CLSTN1: variants seen among roughly 807,000 people sequenced by gnomAD.
CLSTN1 encodes calsyntenin 1, also known as calsyntenin-1.
CLSTN1 carries 28 observed loss-of-function variants against 108.3 expected under a neutral mutation model. The observed-to-expected ratio is 0.26, with a 90% CI of 0.19 to 0.35. CLSTN1 has a LOEUF of 0.35. CLSTN1 is among the 10% of genes least tolerant of loss of function. The probability of loss-of-function intolerance (pLI) is 1.00; values close to 1 mark genes in which losing one functional copy is unlikely to be tolerated. For synonymous variants in CLSTN1, 524 were observed against 534.9 expected, an observed-to-expected ratio of 0.98 and a Z score of 0.28; for missense variants, 1,157 against 1,302.6, an observed-to-expected ratio of 0.89 and a Z score of 1.72.
intron 2 of CLSTN1, among the ~76,000 whole-genome samples, chr1:9,761,933 A>G (rs868008879): frequency 5.3e-5 from 8 of 152,336 alleles, no homozygotes; most frequent in Middle Eastern, 3.4e-3. Flanking sequence ...AGGGACTTGG[A>G]AACAGGTGGA....
intron 2 of CLSTN1, among the ~76,000 whole-genome samples, chr1:9,761,389 A>G (rs1652063212): frequency 6.6e-6 from 1 of 151,998 alleles, no homozygotes; most frequent in Non-Finnish European, 1.5e-5. Flanking sequence ...GCTACTTGGG[A>G]GCCTAAGGTG....
chr1:9,751,416 C>A lies in CLSTN1; in HGVS notation c.649+57G>T. 2.6e-6 allele frequency: 4 copies of A among 1,547,956 alleles called. No homozygotes were observed. In the South Asian group the frequency reaches 4.5e-5, roughly 18 times the overall value. ...AAGCACAGAAGCTGGGGTGTAAAGT[C>A]AGTGGGGTTAGCAGGGACTGTCTAC... is the stretch of plus-strand genomic sequence containing the variant. On this transcript the variant is annotated intron_variant, in intron 5 of 18. Coordinates refer to ENST00000377298, the MANE Select transcript of CLSTN1 (RefSeq NM_001009566.3).
At chr1:9,748,739 T>A (rs1355554272) in intron 7 of CLSTN1, among the ~76,000 whole-genome samples, 1 of 152,090 alleles carries the variant, frequency 6.6e-6, no homozygotes, top group African/African-American at 2.4e-5. Context: ...TCTGCCCACC[T>A]CGGCCTCCCA....
At chr1:9,769,770 C>T (rs781332013) in intron 2 of CLSTN1, among the ~76,000 whole-genome samples, 1 of 151,984 alleles carries the variant, frequency 6.6e-6, no homozygotes, top group Admixed American at 6.6e-5. Flanking sequence ...TGGCAGGGCG[C>T]GGTGGCTCAC....
Position 9,735,177 on chromosome 1 carries a change from G to A in CLSTN1, c.1884-3C>T. 1.2e-6 allele frequency: 2 copies of A among 1,613,918 alleles called. No homozygotes were observed. Among genetic ancestry groups the A allele is most frequent in the South Asian group, 1.1e-5 (1 of 91,074 alleles). On this transcript the variant is annotated splice_region_variant and splice_polypyrimidine_tract_variant and intron_variant, in intron 13 of 18. Coordinates refer to ENST00000377298, the MANE Select transcript of CLSTN1 (RefSeq NM_001009566.3). Reference sequence around the variant, plus strand: ...TGCAGGTGGCCTCGTTAAAACACCTGCCAGCAAGAAATGGGGAAGGGTCAG... The same window carrying A: ...TGCAGGTGGCCTCGTTAAAACACCTACCAGCAAGAAATGGGGAAGGGTCAG...
chr1:9,810,254 T>A (rs1209432329), intron 1 of CLSTN1, among the ~76,000 whole-genome samples: 2 of 149,802 alleles, frequency 1.3e-5, no homozygotes, highest in African/African-American at 4.9e-5. Flanking sequence ...GGCAGGTGGA[T>A]CATCTAAGGT....
In CLSTN1 at chr1:9,731,400, A is replaced by C; in HGVS notation, c.2564-10T>G. 6.2e-7 allele frequency: 1 copy of C among 1,612,214 alleles called. No individual in the cohort carries two copies. Among genetic ancestry groups the C allele is most frequent in the Non-Finnish European group, 8.5e-7 (1 of 1,178,522 alleles). Reference sequence around the variant, plus strand: ...GCAGTGCTGGGGACGACTGTGGGAGAATGAGGGGGCGGGATGCGAGGTCAC... The same window carrying C: ...GCAGTGCTGGGGACGACTGTGGGAGCATGAGGGGGCGGGATGCGAGGTCAC... On this transcript the variant is annotated splice_polypyrimidine_tract_variant and intron_variant, in intron 17 of 18. Transcript: ENST00000377298.
intron 5 of CLSTN1, among the ~76,000 whole-genome samples, chr1:9,751,228 G>A (rs1651542619): frequency 6.6e-6 from 1 of 152,100 alleles, no homozygotes; most frequent in Admixed American, 6.6e-5. Context: ...TGATTTTGGT[G>A]GGAAAGCAAA....
At chr1:9,752,451 C>T (rs1482080265) in intron 4 of CLSTN1, among the ~76,000 whole-genome samples, 1 of 152,214 alleles carries the variant, frequency 6.6e-6, no homozygotes, top group East Asian at 1.9e-4. Flanking sequence ...CTCACTGGGG[C>T]ACTGCACCTT....
At chr1:9,731,709 C>A in intron 17 of CLSTN1, 52 bp downstream of exon 17, 1 of 1,598,394 alleles carries the variant, frequency 6.3e-7, no homozygotes, top group East Asian at 2.2e-5. Context: ...GGGGTGGGGG[C>A]AGGGCGGACG....
At chr1:9,735,373 C>T in intron 13 of CLSTN1, 94 bp downstream of exon 13, 2 of 1,545,124 alleles carry the variant, frequency 1.3e-6, no homozygotes, top group Non-Finnish European at 1.8e-6. Flanking sequence ...CGATGGCTCA[C>T]CTTTCCTTAC....
At chr1:9,812,848 C>CA (rs1266998113) in intron 1 of CLSTN1, among the ~76,000 whole-genome samples, 4,187 of 85,902 alleles carry the variant, frequency 0.049, 85 homozygotes, top group African/African-American at 0.087. Flanking sequence ...AACTCTATCT[C>CA]AAAAAAAAAA....
At chr1:9,784,401 G>A (rs958450811) in intron 1 of CLSTN1, among the ~76,000 whole-genome samples, 2 of 152,024 alleles carry the variant, frequency 1.3e-5, no homozygotes, top group South Asian at 2.1e-4. Flanking sequence ...CCAGCTACTC[G>A]GGAGGCTGAG....
chr1:9,744,704 C>T, intron 7 of CLSTN1, 61 bp from the exon 8 acceptor site: 1 of 1,521,044 alleles, frequency 6.6e-7, no homozygotes, highest in Non-Finnish European at 8.8e-7. Flanking sequence ...GCACCTCAAG[C>T]CCCCAGGCAC....
intron 2 of CLSTN1, among the ~76,000 whole-genome samples, chr1:9,770,865 G>C (rs1418291475): frequency 6.6e-6 from 1 of 151,878 alleles, no homozygotes; most frequent in Non-Finnish European, 1.5e-5. Flanking sequence ...ATGGTGGCGG[G>C]CACCTGTAAT....
chr1:9,765,607 G>A (rs375236246), intron 2 of CLSTN1, among the ~76,000 whole-genome samples: 18 of 151,882 alleles, frequency 1.2e-4, no homozygotes, highest in South Asian at 2.1e-4. Context: ...GAGGCCAGGC[G>A]CCGTTGCTCC....
At chr1:9,758,386 T>G (rs1651918790) in intron 2 of CLSTN1, among the ~76,000 whole-genome samples, 1 of 152,124 alleles carries the variant, frequency 6.6e-6, no homozygotes, top group Non-Finnish European at 1.5e-5. Context: ...GCATCTCAGC[T>G]CACTGCAACC....
At chr1:9,731,504 A>G in intron 17 of CLSTN1, 114 bp from the exon 18 acceptor site, 1 of 1,179,802 alleles carries the variant, frequency 8.5e-7, no homozygotes, top group Middle Eastern at 2.0e-4. Flanking sequence ...GCTTCAGCTG[A>G]ACCCACAGGC....
intron 1 of CLSTN1, among the ~76,000 whole-genome samples, chr1:9,798,796 C>T (rs774383798): frequency 2.6e-5 from 4 of 152,108 alleles, no homozygotes; most frequent in Non-Finnish European, 4.4e-5. Flanking sequence ...GTCCTAATAA[C>T]AAGTAAAAAA....
Sources: allele counts gnomAD v4.1 joint callset (sites outside exome capture counted in the v4.1 genomes callset), GRCh38; gene constraint gnomAD v4.1.1; transcripts MANE v1.5; gene names NCBI Gene and HGNC (gene_info 2026-07-23, HGNC 2026-07-21).